The following ERN1 variants were observed in gnomAD, a reference collection of about 807,000 sequenced individuals.
ERN1 encodes the protein endoplasmic reticulum to nucleus signaling 1, also known as serine/threonine-protein kinase/endoribonuclease IRE1.
Under a neutral mutation model 113.1 loss-of-function variants are expected in ERN1, and 39 were observed. That is an observed-to-expected ratio of 0.34 (90% CI 0.27 to 0.45). The LOEUF (loss-of-function observed/expected upper bound fraction) is 0.45, where lower values mean the gene tolerates loss of function less well. Ranked by LOEUF, ERN1 falls within the 20% of genes least tolerant of loss-of-function variation. The pLI, the probability that ERN1 is intolerant of heterozygous loss-of-function variation, is 1.00. For synonymous variants in ERN1, 507 were observed against 515.9 expected, an observed-to-expected ratio of 0.98 and a Z score of 0.23; for missense variants, 976 against 1,274.8, an observed-to-expected ratio of 0.77 and a Z score of 3.57.
At chr17:64,093,029 C>G (rs72849215) in intron 2 of ERN1, among the ~76,000 whole-genome samples, 3 of 152,162 alleles carry the variant, frequency 2.0e-5, no homozygotes, top group Admixed American at 6.5e-5. Context: ...CGCATTTTCT[C>G]TATTACGTAT....
At position 64,123,314 on chromosome 17, in the gene ERN1, T is replaced by C. The variant is rs189761171; in HGVS notation, c.54+6662A>G. Among the ~76,000 whole-genome samples, 13 of 152,306 alleles carry C rather than the reference T, an allele frequency of 8.5e-5. No homozygotes were observed. The East Asian group carries it at 1.2e-3, about 14-fold the overall frequency. On this transcript the variant is annotated intron_variant, in intron 1 of 21. Transcript: ENST00000433197. ...CATGGGTGCCACATCTCCTAGAAAG[T>C]TGATCTGAAACCACTGCAAACTAAA... is the stretch of plus-strand genomic sequence containing the variant.
intron 5 of ERN1, 34 bp from the exon 6 acceptor site, chr17:64,072,137 C>T (rs1291035260): frequency 6.2e-7 from 1 of 1,608,392 alleles, no homozygotes; most frequent in Non-Finnish European, 8.5e-7. Context: ...GTCGTTTACA[C>T]CATATGGAAA....
At chr17:64,046,095 C>T (rs1912505327) in intron 19 of ERN1, among the ~76,000 whole-genome samples, 2 of 152,216 alleles carry the variant, frequency 1.3e-5, no homozygotes, top group African/African-American at 4.8e-5. Flanking sequence ...CTTGAAGTCC[C>T]ACCAGTAAGA....
At chr17:64,073,061 A>G (rs1437812835) in intron 5 of ERN1, among the ~76,000 whole-genome samples, 2 of 149,918 alleles carry the variant, frequency 1.3e-5, no homozygotes, top group African/African-American at 4.9e-5. Flanking sequence ...GGAGGAGTAC[A>G]GAGGTGTGGT....
At chr17:64,081,896 G>T (rs1312008613) in intron 2 of ERN1, among the ~76,000 whole-genome samples, 1 of 152,296 alleles carries the variant, frequency 6.6e-6, no homozygotes, top group African/African-American at 2.4e-5. Context: ...GCAGCACTGT[G>T]TAGTGACAGA....
chr17:64,120,590 C>G (rs1016985499), intron 1 of ERN1, among the ~76,000 whole-genome samples: 2 of 152,140 alleles, frequency 1.3e-5, no homozygotes, highest in Non-Finnish European at 2.9e-5. Context: ...GGCCAAGGTT[C>G]ATTTTTTTAA....
chr17:64,098,743 G>T (rs1914301465), intron 1 of ERN1, among the ~76,000 whole-genome samples: 1 of 151,952 alleles, frequency 6.6e-6, no homozygotes, highest in Admixed American at 6.6e-5. Flanking sequence ...AAAACACTAA[G>T]ATTCCAGTAA....
In ERN1 at chr17:64,040,284, T is replaced by C. The variant is rs1567857002; in HGVS notation, c.*3704A>G. The C allele has an allele frequency of 6.6e-6, 1 of 152,116 alleles. No homozygotes were observed. The highest frequency in any genetic ancestry group is 2.4e-5 in the African/African-American group (1 of 41,394). 9.4% of individuals were successfully genotyped at this position (152,116 alleles called of 1,614,324 possible). Reference sequence around the variant, plus strand: ...GCACAGAAGGCTGCAAAAGTGGAACTGGCCCCCAGTTCCCAGAGGATCACA... The same window carrying C: ...GCACAGAAGGCTGCAAAAGTGGAACCGGCCCCCAGTTCCCAGAGGATCACA... On this transcript the variant is annotated 3_prime_UTR_variant, in exon 22 of 22. Coordinates refer to ENST00000433197, the MANE Select transcript of ERN1 (RefSeq NM_001433.5).
At chr17:64,081,580 T>G (rs1169684126) in intron 2 of ERN1, among the ~76,000 whole-genome samples, 1 of 152,168 alleles carries the variant, frequency 6.6e-6, no homozygotes, top group Non-Finnish European at 1.5e-5. Context: ...CATAGAGTAT[T>G]AATGCAACTA....
At position 64,055,774 on chromosome 17, in the gene ERN1, T is replaced by C; in HGVS notation, c.1573A>G (p.Ser525Gly). Residue 525 changes from serine (S) to glycine (G), a missense_variant, in exon 13 of 22, where the codon AGC becomes GGC. By Grantham distance (56) the Ser-to-Gly change is moderately conservative. This residue lies in a region of ERN1 where 112 missense variants were observed against 106.2 expected (regional missense o/e 1.05). Coordinates refer to ENST00000433197, the MANE Select transcript of ERN1 (RefSeq NM_001433.5). ...GAGGCCCTGGGGGACGTGCTGGGGCTGCTGGTGCCCGAGCTCTCTGAGTAC... is the reference window on the plus strand; with the variant it reads ...GAGGCCCTGGGGGACGTGCTGGGGCCGCTGGTGCCCGAGCTCTCTGAGTAC... ...GPYSESSGTS[S>G]PSTSPRASNH... The C allele has an allele frequency of 6.2e-7, 1 of 1,606,296 alleles. No homozygotes were observed. The highest frequency in any genetic ancestry group is 1.1e-5 in the South Asian group (1 of 89,790).
At chr17:64,047,742 TA>T in intron 19 of ERN1, 115 bp downstream of exon 19, 1 of 846,836 alleles carries the variant, frequency 1.2e-6, no homozygotes, top group Non-Finnish European at 1.7e-6. Context: ...CAGCCATGAT[TA>T]TCTTCCAGTT....
intron 1 of ERN1, among the ~76,000 whole-genome samples, chr17:64,101,506 G>A (rs998554868): frequency 1.3e-5 from 2 of 152,128 alleles, no homozygotes; most frequent in African/African-American, 4.8e-5. Flanking sequence ...TTGCTAATCT[G>A]TAGATTAGCA....
chr17:64,122,428 G>A (rs1914978205), intron 1 of ERN1, among the ~76,000 whole-genome samples: 2 of 152,152 alleles, frequency 1.3e-5, no homozygotes, highest in South Asian at 2.1e-4. Flanking sequence ...GGACTACATG[G>A]CCGAGAGCCC....
In ERN1 at chr17:64,044,774, A is replaced by T; in HGVS notation, c.2721+86T>A. On this transcript the variant is annotated intron_variant, in intron 21 of 21. Coordinates refer to ENST00000433197, the MANE Select transcript of ERN1 (RefSeq NM_001433.5). The surrounding 1 kb of genome is among the most constrained non-coding windows in gnomAD (Gnocchi z 4.1). ...AGAGATGAGAATGCCAGTACAGATA[A>T]AAGATTTATAAAGAATGGATGAAAG... 1.0e-6 allele frequency: 1 copy of T among 953,996 alleles called. No individual in the cohort carries two copies. The highest frequency in any genetic ancestry group is 1.6e-6 in the Non-Finnish European group (1 of 608,888). 59.1% of individuals were successfully genotyped at this position (953,996 alleles called of 1,614,324 possible).
chr17:64,069,456 T>C (rs922234723), intron 6 of ERN1, among the ~76,000 whole-genome samples: 1 of 152,098 alleles, frequency 6.6e-6, no homozygotes. Context: ...CCATTTGTTA[T>C]GGAAAAGAAA....
chr17:64,120,476 A>AG (rs1357779636), intron 1 of ERN1, among the ~76,000 whole-genome samples: 1 of 152,148 alleles, frequency 6.6e-6, no homozygotes. Flanking sequence ...TCTGACAGAG[A>AG]GGGGGGAAAT....
intron 2 of ERN1, among the ~76,000 whole-genome samples, chr17:64,089,064 A>T (rs1351623394): frequency 6.6e-6 from 1 of 152,178 alleles, no homozygotes; most frequent in African/African-American, 2.4e-5. Context: ...TCACGCCTGT[A>T]ATCCCAGCAC....
intron 1 of ERN1, among the ~76,000 whole-genome samples, chr17:64,127,738 G>C (rs1001189142): frequency 1.4e-5 from 2 of 141,470 alleles, no homozygotes; most frequent in African/African-American, 5.5e-5. Flanking sequence ...TGGGCAACAA[G>C]AGCGAAGAAA....
rs1912598273 is a variant in ERN1, at chr17:64,048,988, C to T, written c.2401+67G>A. 2.1e-6 allele frequency: 3 copies of T among 1,449,444 alleles called. No homozygotes were observed. The East Asian group carries it at 7.4e-5, about 36-fold the overall frequency. 89.8% of individuals were successfully genotyped at this position (1,449,444 alleles called of 1,614,324 possible). A position where few individuals can be genotyped will look rare whatever the true frequency, so the allele number is the denominator to read the frequency against. Reference sequence around the variant, plus strand: ...CTGTGAGTGCAAAGGTGGCACCAGCCCAGCTCTGCAGGGCCACCTGAGGCA... The same window carrying T: ...CTGTGAGTGCAAAGGTGGCACCAGCTCAGCTCTGCAGGGCCACCTGAGGCA... On this transcript the variant is annotated intron_variant, in intron 18 of 21. Transcript: ENST00000433197.
Sources: allele counts gnomAD v4.1 joint callset (sites outside exome capture counted in the v4.1 genomes callset), GRCh38; gene constraint gnomAD v4.1.1; regional missense constraint gnomAD v4.1.1; non-coding constraint Gnocchi (gnomAD v3.1); transcripts MANE v1.5; gene names NCBI Gene and HGNC (gene_info 2026-07-23, HGNC 2026-07-21).